Variants in KATNIP observed in about 807,000 individuals in gnomAD.
KATNIP encodes the protein katanin interacting protein, also known as katanin-interacting protein.
KATNIP carries 126 observed loss-of-function variants against 174.0 expected under a neutral mutation model. That is an observed-to-expected ratio of 0.72 (90% CI 0.63 to 0.84). KATNIP has a LOEUF of 0.84. Ranked by LOEUF, KATNIP falls within the 40% of genes least tolerant of loss-of-function variation. KATNIP has a pLI of 0.00. For missense variants in KATNIP, 1,958 were observed against 2,109.7 expected (o/e 0.93, Z 1.41); for synonymous variants, 810 against 835.7 (o/e 0.97, Z 0.53).
At chr16:27,735,655 T>C (rs1361110203) in intron 14 of KATNIP, among the ~76,000 whole-genome samples, 1 of 152,200 alleles carries the variant, frequency 6.6e-6, no homozygotes, top group Admixed American at 6.5e-5. Flanking sequence ...CCATCTGCAA[T>C]TGGAGGATTG....
chr16:27,568,647 T>C (rs1488566565), intron 1 of KATNIP, among the ~76,000 whole-genome samples: 1 of 152,138 alleles, frequency 6.6e-6, no homozygotes, highest in Non-Finnish European at 1.5e-5. Flanking sequence ...GTATTTTTAG[T>C]AGAAACAGAG....
chr16:27,622,688 A>C (rs1474875897), intron 3 of KATNIP, among the ~76,000 whole-genome samples: 1 of 152,132 alleles, frequency 6.6e-6, no homozygotes, highest in Non-Finnish European at 1.5e-5. Flanking sequence ...CTTGCCCACA[A>C]AAGTGCTGGG....
chr16:27,724,773 T>C (rs1002199904), intron 14 of KATNIP, among the ~76,000 whole-genome samples: 1 of 152,186 alleles, frequency 6.6e-6, no homozygotes, highest in African/African-American at 2.4e-5. Context: ...GGAGATAAAA[T>C]GAGAGTTTAT....
Position 27,778,704 on chromosome 16 carries a change from TCACCCTCAGTCC to T in KATNIP, c.*78_*89del. The T allele has an allele frequency of 7.0e-7, 1 of 1,428,604 alleles. No homozygotes were observed. The highest frequency in any genetic ancestry group is 9.7e-7 in the Non-Finnish European group (1 of 1,030,568). The allele number at this position is 1,428,604 out of a possible 1,614,324, so 88.5% of individuals were successfully genotyped here. ...CAGCCCCACTCAGTGCCTGCGTCCC[TCACCCTCAGTCC>T]CAGGAGCTGGAAGCGAACCACAGTG... is the stretch of plus-strand genomic sequence containing the variant. On this transcript the variant is annotated 3_prime_UTR_variant, in exon 28 of 28. Transcript: ENST00000261588.
In KATNIP at chr16:27,749,686, C is replaced by T; in HGVS notation, c.2726C>T (p.Ser909Phe). The T allele has an allele frequency of 6.2e-7, 1 of 1,613,128 alleles. No individual in the cohort carries two copies. Among genetic ancestry groups the T allele is most frequent in the Non-Finnish European group, 8.5e-7 (1 of 1,179,536 alleles). Residue 909 changes from serine to phenylalanine, a missense_variant, in exon 16 of 28, where the codon TCC becomes TTC. Physicochemically the swap from Ser to Phe is radical, Grantham distance 155. This residue lies in a region of KATNIP where 1,557 missense variants were observed against 1,617.8 expected (regional missense o/e 0.96). Coordinates refer to ENST00000261588, the MANE Select transcript of KATNIP (RefSeq NM_015202.5). ...AGCTCCCTCAGTGCCTTCGACCGCT[C>T]CCACCGGGGACGCATCTCCAACACG... Reference protein sequence around the residue: ...SWSSLSAFDRSHRGRISNTEL... With the variant: ...SWSSLSAFDRFHRGRISNTEL...
intron 3 of KATNIP, among the ~76,000 whole-genome samples, chr16:27,627,419 T>G (rs1220855756): frequency 1.3e-5 from 2 of 152,214 alleles, no homozygotes; most frequent in Non-Finnish European, 2.9e-5. Flanking sequence ...TGAGTGATAG[T>G]GCTTTTGGCT....
chr16:27,628,261 TCAAA>T (rs1567226180), intron 3 of KATNIP, among the ~76,000 whole-genome samples: 2 of 152,230 alleles, frequency 1.3e-5, no homozygotes, highest in Admixed American at 6.5e-5. Context: ...TTGTTACACA[TCAAA>T]CAAAGTTTCA....
At position 27,770,236 on chromosome 16, in the gene KATNIP, G is replaced by A. The variant is rs188970152; in HGVS notation, c.4133+218G>A. Among the ~76,000 whole-genome samples the A allele has an allele frequency of 1.1e-3, 166 of 152,380 alleles. 1 individual carries two copies. The highest frequency in any genetic ancestry group is 7.5e-3 in the South Asian group (36 of 4,828). ...ACATTTGGGTTTTTCACAGTCTGGA[G>A]TGCTGAAGATTTTAAATGCTTCATT... is the stretch of plus-strand genomic sequence containing the variant. On this transcript the variant is annotated intron_variant, in intron 21 of 27. Transcript: ENST00000261588.
intron 2 of KATNIP, among the ~76,000 whole-genome samples, chr16:27,608,652 G>A (rs1387707683): frequency 1.3e-5 from 2 of 151,938 alleles, no homozygotes; most frequent in African/African-American, 2.4e-5. Context: ...CAAGTAGCTG[G>A]GACTACAGCC....
At chr16:27,565,480 A>G (rs1467112011) in intron 1 of KATNIP, among the ~76,000 whole-genome samples, 1 of 151,038 alleles carries the variant, frequency 6.6e-6, no homozygotes, top group Non-Finnish European at 1.5e-5. Flanking sequence ...AAAAAAAAAA[A>G]GGAAAGAAAA....
At chr16:27,649,563 T>C (rs1419575804) in intron 6 of KATNIP, among the ~76,000 whole-genome samples, 26 of 152,192 alleles carry the variant, frequency 1.7e-4, no homozygotes, top group Admixed American at 1.7e-3. Flanking sequence ...CAATCATAGC[T>C]CACTGCAGCC....
At chr16:27,730,449 C>T (rs1267255291) in intron 14 of KATNIP, among the ~76,000 whole-genome samples, 2 of 152,130 alleles carry the variant, frequency 1.3e-5, no homozygotes, top group African/African-American at 4.8e-5. Context: ...TGTCTGGACC[C>T]TGAATGTGTT....
chr16:27,766,261 C>T lies in KATNIP; in HGVS notation c.3810-48C>T, dbSNP rs374745225. The T allele has an allele frequency of 2.0e-3, 3,143 of 1,601,752 alleles. 4 individuals carry two copies. Among genetic ancestry groups the T allele is most frequent in the Non-Finnish European group, 2.5e-3 (2,881 of 1,173,900 alleles). On this transcript the variant is annotated intron_variant, in intron 19 of 27. Transcript: ENST00000261588. ...GGTGGGGGCCCCACTGTGATGCCTCCTGTGCCCACTGAGCCGCCCCCCTGC... is the reference window on the plus strand; with the variant it reads ...GGTGGGGGCCCCACTGTGATGCCTCTTGTGCCCACTGAGCCGCCCCCCTGC...
At chr16:27,573,287 A>G (rs2090372619) in intron 1 of KATNIP, among the ~76,000 whole-genome samples, 1 of 152,282 alleles carries the variant, frequency 6.6e-6, no homozygotes, top group Admixed American at 6.5e-5. Flanking sequence ...CACTTCCATA[A>G]AAGTTGTGAA....
intron 13 of KATNIP, 98 bp downstream of exon 13, chr16:27,709,018 G>A: frequency 2.0e-6 from 2 of 986,624 alleles, no homozygotes; most frequent in Non-Finnish European, 3.0e-6. Flanking sequence ...GTGGAGGGAG[G>A]GGAAGAACAA....
intron 5 of KATNIP, among the ~76,000 whole-genome samples, chr16:27,632,031 G>A (rs1457276064): frequency 1.3e-5 from 2 of 152,334 alleles, no homozygotes; most frequent in East Asian, 3.9e-4. Flanking sequence ...GTTCAGAAAA[G>A]TTCAGTGAGT....
At chr16:27,778,430 G>A (rs2082582450) in intron 27 of KATNIP, 144 bp from the exon 28 acceptor site, 1 of 756,608 alleles carries the variant, frequency 1.3e-6, no homozygotes, top group Admixed American at 2.3e-5. Context: ...GAAGGGGCCA[G>A]CGTGCCAGGC....
intron 8 of KATNIP, among the ~76,000 whole-genome samples, chr16:27,695,908 C>T (rs574004775): frequency 1.4e-4 from 21 of 152,308 alleles, no homozygotes; most frequent in South Asian, 8.3e-4. Flanking sequence ...AATTTCATCT[C>T]GTCATCACCC....
intron 2 of KATNIP, among the ~76,000 whole-genome samples, chr16:27,599,192 C>G (rs555748969): frequency 1.3e-4 from 20 of 152,292 alleles, no homozygotes; most frequent in Non-Finnish European, 2.8e-4. Flanking sequence ...GGGGAGAAGC[C>G]AGCCTGGGAT....
Sources: gnomAD v4.1 joint callset for allele counts (sites outside exome capture counted in the v4.1 genomes callset) on GRCh38, gnomAD v4.1.1 for gene constraint, gnomAD v4.1.1 regional missense constraint, MANE v1.5 for transcripts, NCBI Gene and HGNC (gene_info 2026-07-23, HGNC 2026-07-21) for gene names.